WAC: variants seen among roughly 807,000 people sequenced by gnomAD.
WAC encodes the protein WW domain containing adaptor with coiled-coil.
Under a neutral mutation model 79.6 loss-of-function variants are expected in WAC, and 11 were observed. The ratio of observed to expected loss-of-function variants is 0.14; its 90% confidence interval spans 0.09 to 0.23. The LOEUF is 0.23. WAC is among the 10% of genes least tolerant of loss of function. WAC has a pLI of 1.00. For synonymous variants in WAC, 304 were observed against 276.9 expected, an observed-to-expected ratio of 1.10 and a Z score of -0.97; for missense variants, 728 against 773.5, an observed-to-expected ratio of 0.94 and a Z score of 0.70.
At chr10:28,594,223 T>C (rs532909752) in intron 6 of WAC, among the ~76,000 whole-genome samples, 1 of 152,290 alleles carries the variant, frequency 6.6e-6, no homozygotes, top group African/African-American at 2.4e-5. Context: ...TTCATTGGAG[T>C]ACATACGCTT....
intron 3 of WAC, among the ~76,000 whole-genome samples, chr10:28,570,188 G>T (rs1838868808): frequency 6.6e-6 from 1 of 152,112 alleles, no homozygotes; most frequent in Non-Finnish European, 1.5e-5. Context: ...CATATTTTTG[G>T]GAAAAGTACT....
chr10:28,556,419 A>G (rs1002322397), intron 3 of WAC, among the ~76,000 whole-genome samples: 1 of 23,380 alleles, frequency 4.3e-5, no homozygotes, highest in East Asian at 1.5e-3. Flanking sequence ...TTTTTTTGCC[A>G]TTAAGCTGGT....
At chr10:28,549,273 A>G (rs2132409738) in intron 3 of WAC, among the ~76,000 whole-genome samples, 1 of 152,218 alleles carries the variant, frequency 6.6e-6, no homozygotes, top group East Asian at 1.9e-4. Context: ...GCCGTGACTC[A>G]AAAGTTACTT....
At chr10:28,535,411 A>G (rs1171870244) in intron 2 of WAC, 151 bp from the exon 3 acceptor site, 2 of 929,572 alleles carry the variant, frequency 2.2e-6, no homozygotes, top group Non-Finnish European at 3.1e-6. Context: ...TTGTCTGAGA[A>G]ACTTTAAAGA....
At chr10:28,559,946 T>G (rs550478392) in intron 3 of WAC, among the ~76,000 whole-genome samples, 76 of 152,358 alleles carry the variant, frequency 5.0e-4, no homozygotes, top group African/African-American at 1.8e-3. Context: ...ATTTTGGTTT[T>G]TCCTCTGAAT....
chr10:28,544,208 T>G (rs1348163444), intron 3 of WAC, among the ~76,000 whole-genome samples: 1 of 152,214 alleles, frequency 6.6e-6, no homozygotes, highest in Non-Finnish European at 1.5e-5. Context: ...GTAAAATTGT[T>G]TCGCATTGTG....
intron 3 of WAC, among the ~76,000 whole-genome samples, chr10:28,570,373 A>G (rs1422777847): frequency 6.6e-6 from 1 of 152,186 alleles, no homozygotes; most frequent in African/African-American, 2.4e-5. Flanking sequence ...TGATGTTTAT[A>G]TTCTTGGATA....
At position 28,593,637 on chromosome 10, in the gene WAC, G is replaced by A. The variant is rs150978738; in HGVS notation, c.611-2096G>A. ...ACAAAAATAAGCTGGGCGTGGTGGT[G>A]CGCGCCTGTAATCCCAGCCACGTGG... On this transcript the variant is annotated intron_variant, in intron 6 of 13. Transcript: ENST00000354911. Among the ~76,000 whole-genome samples the A allele has an allele frequency of 2.1e-3, 315 of 151,628 alleles. 3 individuals carry two copies. The highest frequency in any genetic ancestry group is 7.3e-3 in the African/African-American group (303 of 41,302).
In WAC at chr10:28,600,281, T is replaced by C. The variant is rs549425648; in HGVS notation, c.919+4240T>C. ...GCAGGACAGACTAGTCGTTTTAATA[T>C]GAGGTGTGAGTCAGTCACTTGAAGT... On this transcript the variant is annotated intron_variant, in intron 7 of 13. Transcript: ENST00000354911. Among the ~76,000 whole-genome samples the C allele has an allele frequency of 5.9e-5, 9 of 152,220 alleles. No individual in the cohort carries two copies. The South Asian group carries it at 1.7e-3, about 28-fold the overall frequency.
At chr10:28,611,013 A>G in intron 9 of WAC, 192 bp downstream of exon 9, 1 of 640,320 alleles carries the variant, frequency 1.6e-6, no homozygotes, top group South Asian at 2.6e-5. Context: ...TTTTTAGATG[A>G]AGCAAGCTTT....
chr10:28,581,993 A>G (rs934879134), intron 3 of WAC, among the ~76,000 whole-genome samples: 1 of 152,252 alleles, frequency 6.6e-6, no homozygotes, highest in Non-Finnish European at 1.5e-5. Context: ...AGAAGAACCC[A>G]TCAGACTTCT....
Position 28,533,141 on chromosome 10 carries a change from G to GAGCGGCAGCGGCGGCACC in WAC, c.-432_-415dup, listed in dbSNP as rs1428748098. The GAGCGGCAGCGGCGGCACC allele has an allele frequency of 1.8e-5, 3 of 166,290 alleles. No homozygotes were observed. Among genetic ancestry groups the GAGCGGCAGCGGCGGCACC allele is most frequent in the Non-Finnish European group, 2.6e-5 (2 of 77,694 alleles). The allele number at this position is 166,290 out of a possible 1,614,324, so 10.3% of individuals were successfully genotyped here. On this transcript the variant is annotated 5_prime_UTR_variant, in exon 1 of 14. Coordinates refer to ENST00000354911, the MANE Select transcript of WAC (RefSeq NM_016628.5). Reference sequence around the variant, plus strand: ...CCGAGTTGCCCGGATGTAGTTGGTGGAGCGGCAGCGGCGGCACCAGCGGCG... The same window carrying GAGCGGCAGCGGCGGCACC: ...CCGAGTTGCCCGGATGTAGTTGGTGGAGCGGCAGCGGCGGCACCAGCGGCAGCGGCGGCACCAGCGGCG...
At chr10:28,545,835 G>T (rs914809304) in intron 3 of WAC, among the ~76,000 whole-genome samples, 18 of 152,208 alleles carry the variant, frequency 1.2e-4, no homozygotes. Context: ...GGAGCCACTG[G>T]TGTTACTTTA....
chr10:28,573,062 G>T (rs1839060006), intron 3 of WAC, among the ~76,000 whole-genome samples: 1 of 152,034 alleles, frequency 6.6e-6, no homozygotes, highest in African/African-American at 2.4e-5. Flanking sequence ...CACTAAAGGA[G>T]TGGCTCTTAA....
chr10:28,543,129 T>TA (rs1481116163), intron 3 of WAC, among the ~76,000 whole-genome samples: 2 of 152,374 alleles, frequency 1.3e-5, no homozygotes, highest in Admixed American at 6.5e-5. Context: ...GGAGATACTA[T>TA]AGTCAGTAAT....
At chr10:28,567,367 G>A (rs936998750) in intron 3 of WAC, among the ~76,000 whole-genome samples, 2 of 151,960 alleles carry the variant, frequency 1.3e-5, no homozygotes, top group Admixed American at 6.6e-5. Flanking sequence ...CTGATTCTGC[G>A]TCTTACTCTT....
chr10:28,576,888 C>G (rs1325332395), intron 3 of WAC, among the ~76,000 whole-genome samples: 2 of 151,974 alleles, frequency 1.3e-5, no homozygotes, highest in Non-Finnish European at 2.9e-5. Flanking sequence ...TTCATGTAAT[C>G]AATATAAAAA....
At chr10:28,556,126 G>T (rs960939307) in intron 3 of WAC, among the ~76,000 whole-genome samples, 2 of 152,086 alleles carry the variant, frequency 1.3e-5, no homozygotes, top group Non-Finnish European at 2.9e-5. Flanking sequence ...TCATATGGTA[G>T]TTCTATTGTT....
chr10:28,540,695 T>C (rs1272768813), intron 3 of WAC, among the ~76,000 whole-genome samples: 2 of 152,208 alleles, frequency 1.3e-5, no homozygotes, highest in East Asian at 1.9e-4. Context: ...GTATTTTTTG[T>C]CTAGTAAAAA....
Sources: allele counts gnomAD v4.1 joint callset (sites outside exome capture counted in the v4.1 genomes callset), GRCh38; gene constraint gnomAD v4.1.1; transcripts MANE v1.5; gene names NCBI Gene and HGNC (gene_info 2026-07-23, HGNC 2026-07-21).